CACNB4: variants seen among roughly 807,000 people sequenced by gnomAD.
CACNB4 encodes voltage-dependent L-type calcium channel subunit beta-4.
Under a neutral mutation model 71.2 loss-of-function variants are expected in CACNB4, and 32 were observed. That is an observed-to-expected ratio of 0.45 (90% CI 0.34 to 0.60). The LOEUF is 0.60. Ranked by LOEUF, CACNB4 falls within the 20% of genes least tolerant of loss-of-function variation. The pLI is 0.01. For missense variants in CACNB4, 464 were observed against 647.9 expected (o/e 0.72, Z 3.08); for synonymous variants, 231 against 236.9 (o/e 0.97, Z 0.23).
At chr2:151,933,197 A>T (rs1170122859) in intron 2 of CACNB4, among the ~76,000 whole-genome samples, 1 of 151,406 alleles carries the variant, frequency 6.6e-6, no homozygotes, top group South Asian at 2.1e-4. Flanking sequence ...CAAAAACCAT[A>T]ATTACTTTTG....
chr2:152,084,146 G>A (rs7576900), intron 2 of CACNB4, among the ~76,000 whole-genome samples: 2,309 of 152,214 alleles, frequency 0.015, 51 homozygotes, highest in African/African-American at 0.053. Context: ...GGTGCAGTTC[G>A]GGGCAGAGGC....
chr2:152,025,394 A>G (rs7604835), intron 2 of CACNB4, among the ~76,000 whole-genome samples: 122,369 of 152,204 alleles, frequency 0.8, 50,461 homozygotes, highest in Middle Eastern at 0.91. Flanking sequence ...ATTTTCTCTC[A>G]AACTGTCTAC....
intron 12 of CACNB4, chr2:151,850,249 A>G (rs2099838729): frequency 6.7e-6 from 1 of 149,302 alleles, no homozygotes; most frequent in Admixed American, 6.7e-5. Flanking sequence ...GGTTCAAGCA[A>G]TTCTGCCTCA....
At chr2:151,987,917 T>C (rs1482645132) in intron 2 of CACNB4, among the ~76,000 whole-genome samples, 1 of 152,230 alleles carries the variant, frequency 6.6e-6, no homozygotes, top group Non-Finnish European at 1.5e-5. Context: ...TGCATCTGCA[T>C]GAATTTGCCT....
At chr2:151,872,614 C>G in intron 5 of CACNB4, 121 bp from the exon 6 acceptor site, 1 of 601,496 alleles carries the variant, frequency 1.7e-6, no homozygotes, top group Non-Finnish European at 2.9e-6. Flanking sequence ...CCAAATTCTG[C>G]TATAAAGAAT....
chr2:152,098,237 G>C lies in CACNB4; in HGVS notation c.147+93C>G. 1 of 980,512 alleles carries C rather than the reference G, an allele frequency of 1.0e-6. No individual in the cohort carries two copies. The highest frequency in any genetic ancestry group is 1.6e-6 in the Non-Finnish European group (1 of 621,532). 60.7% of individuals were successfully genotyped at this position (980,512 alleles called of 1,614,324 possible). On this transcript the variant is annotated intron_variant, in intron 2 of 13. Transcript: ENST00000539935. The surrounding 1 kb of genome is among the most constrained non-coding windows in gnomAD (Gnocchi z 5.3). ...GAGACGCGCGCGGGCTTGACCCGCA[G>C]CTCCCGCACGTGTGGGCCACGGCCG...
At position 152,021,376 on chromosome 2, in the gene CACNB4, A is replaced by G. The variant is rs569191818; in HGVS notation, c.147+76954T>C. Among the ~76,000 whole-genome samples, 6 of 152,354 alleles carry G rather than the reference A, an allele frequency of 3.9e-5. No individual in the cohort carries two copies. The East Asian group carries it at 1.2e-3, about 29-fold the overall frequency. ...ATGATTTCAAATTTAAAAAAATTAT[A>G]GGTCAGATACTCAAAGGGTTAAAAC... On this transcript the variant is annotated intron_variant, in intron 2 of 13. Transcript: ENST00000539935.
At chr2:152,069,894 G>C (rs1686580704) in intron 2 of CACNB4, among the ~76,000 whole-genome samples, 1 of 148,190 alleles carries the variant, frequency 6.7e-6, no homozygotes, top group Non-Finnish European at 1.5e-5. Flanking sequence ...CCAGGCTGGA[G>C]GGCAGTGGCA....
At chr2:151,882,878 A>G in intron 3 of CACNB4, 1 of 303,912 alleles carries the variant, frequency 3.3e-6, no homozygotes, top group South Asian at 3.3e-5. Flanking sequence ...TCCACAGAAC[A>G]ACAGCACACG....
chr2:151,929,259 G>A (rs1403601295), intron 2 of CACNB4, among the ~76,000 whole-genome samples: 1 of 151,934 alleles, frequency 6.6e-6, no homozygotes, highest in Non-Finnish European at 1.5e-5. Flanking sequence ...ACTGATATGA[G>A]TACATTTCAA....
At chr2:152,010,002 T>C (rs1392639480) in intron 2 of CACNB4, among the ~76,000 whole-genome samples, 1 of 152,196 alleles carries the variant, frequency 6.6e-6, no homozygotes, top group East Asian at 1.9e-4. Flanking sequence ...TATCTGTTCT[T>C]AAAAGAAAAC....
Position 152,057,358 on chromosome 2 carries a change from T to C in CACNB4, c.147+40972A>G, listed in dbSNP as rs80311151. ...TGATACAGAAGACACAGCTGAGCCATGCTTAGATTCCTAAGCCACAAAAAT... is the reference window on the plus strand; with the variant it reads ...TGATACAGAAGACACAGCTGAGCCACGCTTAGATTCCTAAGCCACAAAAAT... On this transcript the variant is annotated intron_variant, in intron 2 of 13. Transcript: ENST00000539935. 2.5e-3 allele frequency among the ~76,000 whole-genome samples: 383 copies of C among 152,314 alleles called. 8 individuals are homozygous for C. The East Asian group carries it at 0.06, about 24-fold the overall frequency.
chr2:152,078,450 AACT>A (rs1687162251), intron 2 of CACNB4, among the ~76,000 whole-genome samples: 2 of 152,354 alleles, frequency 1.3e-5, no homozygotes, highest in East Asian at 3.9e-4. Flanking sequence ...TAGTCTGCAT[AACT>A]GGCTCCAACA....
At chr2:152,032,711 A>G (rs1380978992) in intron 2 of CACNB4, among the ~76,000 whole-genome samples, 1 of 152,140 alleles carries the variant, frequency 6.6e-6, no homozygotes, top group Non-Finnish European at 1.5e-5. Flanking sequence ...CATGCCTATA[A>G]TCTCAGCACT....
intron 2 of CACNB4, among the ~76,000 whole-genome samples, chr2:152,018,496 A>T (rs113106897): frequency 1.6e-4 from 25 of 152,248 alleles, no homozygotes; most frequent in African/African-American, 5.5e-4. Flanking sequence ...GATTTTGCAG[A>T]CTATTTTCAA....
intron 2 of CACNB4, chr2:151,883,780 G>A (rs751457056): frequency 1.1e-5 from 3 of 268,682 alleles, no homozygotes; most frequent in Non-Finnish European, 2.2e-5. Context: ...TTTGGGCTAT[G>A]GGTCATCTAT....
intron 2 of CACNB4, among the ~76,000 whole-genome samples, chr2:152,050,724 A>C (rs926290983): frequency 6.6e-6 from 1 of 151,152 alleles, no homozygotes; most frequent in Non-Finnish European, 1.5e-5. Flanking sequence ...TCTAAAAAAA[A>C]TTTTTTTTTA....
chr2:151,937,781 C>T (rs752966135), intron 2 of CACNB4, among the ~76,000 whole-genome samples: 6 of 152,140 alleles, frequency 3.9e-5, no homozygotes, highest in Non-Finnish European at 8.8e-5. Flanking sequence ...GGTCAAATTC[C>T]AAAGTCCGAC....
intron 2 of CACNB4, among the ~76,000 whole-genome samples, chr2:151,947,440 G>A (rs551994805): frequency 3.9e-5 from 6 of 152,166 alleles, no homozygotes; most frequent in Non-Finnish European, 7.4e-5. Flanking sequence ...GTTTCCCTAG[G>A]CAGGGGGAGT....
Sources: allele counts gnomAD v4.1 joint callset (sites outside exome capture counted in the v4.1 genomes callset), GRCh38; gene constraint gnomAD v4.1.1; non-coding constraint Gnocchi (gnomAD v3.1); transcripts MANE v1.5; gene names NCBI Gene and HGNC (gene_info 2026-07-23, HGNC 2026-07-21).